HYAL4: variants seen among roughly 807,000 people sequenced by gnomAD.
HYAL4 encodes hyaluronidase-4.
A neutral mutation model predicts 35.2 loss-of-function variants in HYAL4; 37 were observed. The ratio of observed to expected loss-of-function variants is 1.05; its 90% CI spans 0.81 to 1.38. The LOEUF is 1.38. HYAL4 is among the 40% of genes most tolerant of loss of function. The pLI is 0.00. For missense variants in HYAL4, 572 were observed against 572.4 expected, an observed-to-expected ratio of 1.00 and a Z score of 0.01; for synonymous variants, 198 against 203.2, an observed-to-expected ratio of 0.97 and a Z score of 0.22.
chr7:123,861,725 A>G (rs1806580320), intron 2 of HYAL4, among the ~76,000 whole-genome samples: 2 of 152,176 alleles, frequency 1.3e-5, no homozygotes, highest in Non-Finnish European at 2.9e-5. Flanking sequence ...TTAAGCCTAT[A>G]TTTAAGAAGA....
chr7:123,766,362 ATTGT>A, the HYAL4 span, among the ~76,000 whole-genome samples: 9 of 152,172 alleles, frequency 5.9e-5, no homozygotes, highest in Non-Finnish European at 1.3e-4. Context: ...CAGATAGCTA[ATTGT>A]TTGCTATTCA....
At chr7:123,797,761 C>G in the HYAL4 span, among the ~76,000 whole-genome samples, 3 of 152,194 alleles carry the variant, frequency 2.0e-5, no homozygotes, top group Admixed American at 6.5e-5. Context: ...TTACTAGACT[C>G]TGCTTTAACT....
At chr7:123,865,059 CTG>C (rs56270065) in intron 2 of HYAL4, among the ~76,000 whole-genome samples, 22,405 of 151,840 alleles carry the variant, frequency 0.15, 1,807 homozygotes, top group Non-Finnish European at 0.18. Flanking sequence ...CCCTGAGACA[CTG>C]AGAACAATAA....
At chr7:123,815,844 G>C in the HYAL4 span, among the ~76,000 whole-genome samples, 1 of 152,184 alleles carries the variant, frequency 6.6e-6, no homozygotes, top group Non-Finnish European at 1.5e-5. Flanking sequence ...ACAATACACA[G>C]CTCACTTAGA....
At chr7:123,820,665 C>T in the HYAL4 span, among the ~76,000 whole-genome samples, 2 of 151,892 alleles carry the variant, frequency 1.3e-5, no homozygotes, top group Non-Finnish European at 2.9e-5. Flanking sequence ...TTTTGGAGTG[C>T]TTAATATATT....
At chr7:123,772,383 T>G in the HYAL4 span, among the ~76,000 whole-genome samples, 188 of 152,188 alleles carry the variant, frequency 1.2e-3, no homozygotes, top group African/African-American at 4.4e-3. Flanking sequence ...GGCATCTCAA[T>G]AGGTGGCAAG....
chr7:123,782,989 T>C, the HYAL4 span, among the ~76,000 whole-genome samples: 2 of 151,866 alleles, frequency 1.3e-5, no homozygotes, highest in African/African-American at 2.4e-5. Context: ...TATCATTATG[T>C]AAATAAATAT....
intron 2 of HYAL4, among the ~76,000 whole-genome samples, chr7:123,852,434 T>A (rs1806328638): frequency 6.6e-6 from 1 of 152,102 alleles, no homozygotes; most frequent in Non-Finnish European, 1.5e-5. Context: ...AAGGAAGGGG[T>A]CTAGTTTCAG....
chr7:123,828,788 A>G (rs1425735617), upstream of HYAL4, among the ~76,000 whole-genome samples: 1 of 152,188 alleles, frequency 6.6e-6, no homozygotes, highest in East Asian at 1.9e-4. Flanking sequence ...GGCATGGCTC[A>G]TTACTCACAT....
At position 123,869,171 on chromosome 7, in the gene HYAL4, G is replaced by A. The variant is rs146716572; in HGVS notation, c.898G>A (p.Val300Ile). 6.6e-5 allele frequency: 107 copies of A among 1,613,926 alleles called. No homozygotes were observed. Among genetic ancestry groups the A allele is most frequent in the Non-Finnish European group, 8.3e-5 (98 of 1,180,028 alleles). The change falls in exon 3 of 5, where the codon GTA becomes ATA. Residue 300 changes from valine (V) to isoleucine (I), a missense_variant. By Grantham distance (29) the Val-to-Ile change is conservative (BLOSUM62 3). Coordinates refer to ENST00000223026, the MANE Select transcript of HYAL4 (RefSeq NM_012269.3). ...TMTSHDYALP[V>I]FVYTRLGYRD... Reference sequence around the variant, plus strand: ...GACATCTCATGATTATGCTCTGCCTGTATTTGTCTACACAAGGCTAGGGTA... The same window carrying A: ...GACATCTCATGATTATGCTCTGCCTATATTTGTCTACACAAGGCTAGGGTA...
At chr7:123,848,977 G>T (rs1373646021) in intron 2 of HYAL4, among the ~76,000 whole-genome samples, 4 of 151,966 alleles carry the variant, frequency 2.6e-5, no homozygotes, top group Non-Finnish European at 5.9e-5. Context: ...TTGGGGAGAG[G>T]ATAAATAAAT....
the HYAL4 span, among the ~76,000 whole-genome samples, chr7:123,821,347 C>T: frequency 6.6e-6 from 1 of 152,102 alleles, no homozygotes; most frequent in African/African-American, 2.4e-5. Flanking sequence ...TAATACCCAT[C>T]CTAACAGGTG....
At chr7:123,811,499 C>G in the HYAL4 span, among the ~76,000 whole-genome samples, 7 of 152,148 alleles carry the variant, frequency 4.6e-5, no homozygotes, top group Admixed American at 1.3e-4. Flanking sequence ...GATGTCTGTT[C>G]AAGCCTTTTG....
chr7:123,819,339 A>G, the HYAL4 span: 2 of 152,550 alleles, frequency 1.3e-5, no homozygotes, highest in African/African-American at 4.8e-5. Context: ...TCTCTTTTCT[A>G]GGAGGACTTA....
chr7:123,806,058 C>G, the HYAL4 span, among the ~76,000 whole-genome samples: 1 of 152,046 alleles, frequency 6.6e-6, no homozygotes, highest in South Asian at 2.1e-4. Context: ...TCTAGAGTAT[C>G]CAAAACAATT....
chr7:123,796,659 T>C, the HYAL4 span, among the ~76,000 whole-genome samples: 1 of 152,088 alleles, frequency 6.6e-6, no homozygotes, highest in Non-Finnish European at 1.5e-5. Flanking sequence ...GCAGTATTCA[T>C]AATAGCCAAA....
chr7:123,851,981 C>T (rs887817170), intron 2 of HYAL4, among the ~76,000 whole-genome samples: 1 of 152,202 alleles, frequency 6.6e-6, no homozygotes, highest in Non-Finnish European at 1.5e-5. Context: ...TTGCATTTCT[C>T]TAATGACCAG....
intron 3 of HYAL4, among the ~76,000 whole-genome samples, chr7:123,873,546 T>C (rs145357610): frequency 0.014 from 2,163 of 152,322 alleles, 46 homozygotes; most frequent in African/African-American, 0.049. Context: ...AGTTCTGCTT[T>C]TATTTTCCAC....
the HYAL4 span, among the ~76,000 whole-genome samples, chr7:123,816,911 C>T: frequency 2.6e-4 from 39 of 152,016 alleles, no homozygotes; most frequent in Admixed American, 5.9e-4. Flanking sequence ...TTAAAATAAG[C>T]GACTACATTT....
Sources: allele counts gnomAD v4.1 joint callset (sites outside exome capture counted in the v4.1 genomes callset), GRCh38; gene constraint gnomAD v4.1.1; transcripts MANE v1.5; gene names NCBI Gene and HGNC (gene_info 2026-07-23, HGNC 2026-07-21).